CREB3L1: variants seen among roughly 807,000 people sequenced by gnomAD.
CREB3L1 encodes cyclic AMP-responsive element-binding protein 3-like protein 1.
CREB3L1 carries 33 observed loss-of-function variants against 54.5 expected under a neutral mutation model. The observed-to-expected ratio is 0.61, with a 90% CI of 0.46 to 0.81. The LOEUF is 0.81. CREB3L1 is among the 30% of genes least tolerant of loss of function. CREB3L1 has a pLI of 0.00. For synonymous variants in CREB3L1, 284 were observed against 286.4 expected (o/e 0.99, Z 0.08); for missense variants, 656 against 673.3 (o/e 0.97, Z 0.29).
Position 46,295,023 on chromosome 11 carries a change from C to G in CREB3L1, c.103-4912C>G. 1 of 152,428 alleles carries G rather than the reference C, an allele frequency of 6.6e-6. No individual in the cohort carries two copies. The highest frequency in any genetic ancestry group is 2.4e-5 in the African/African-American group (1 of 41,430). 9.4% of individuals were successfully genotyped at this position (152,428 alleles called of 1,614,324 possible). ...AGCCTGGACCCGCTCTGGTCTCCTC[C>G]CTCCTTTCCCCAAGCACAGACTGAA... is the stretch of plus-strand genomic sequence containing the variant. On this transcript the variant is annotated intron_variant, in intron 1 of 11. Transcript: ENST00000621158. The surrounding 1 kb of genome is among the most constrained non-coding windows in gnomAD (Gnocchi z 4.6).
intron 10 of CREB3L1, among the ~76,000 whole-genome samples, chr11:46,317,961 T>C (rs1275147746): frequency 6.6e-6 from 1 of 152,208 alleles, no homozygotes; most frequent in African/African-American, 2.4e-5. Flanking sequence ...CTCATGCCTG[T>C]AATCCCAGCA....
chr11:46,295,734 T>TG lies in CREB3L1; in HGVS notation c.103-4200dup, dbSNP rs886809944. Among the ~76,000 whole-genome samples, 2 of 152,020 alleles carry TG rather than the reference T, an allele frequency of 1.3e-5. No homozygotes were observed. The highest frequency in any genetic ancestry group is 2.9e-5 in the Non-Finnish European group (2 of 68,002). On this transcript the variant is annotated intron_variant, in intron 1 of 11. Transcript: ENST00000621158. The surrounding 1 kb of genome is among the most constrained non-coding windows in gnomAD (Gnocchi z 4.6). Reference sequence around the variant, plus strand: ...GATTCCGGTGAGGGGCGGCCCCGGGTGTTCCCGGGTTAACCCTTTGTGGGC... The same window carrying TG: ...GATTCCGGTGAGGGGCGGCCCCGGGTGGTTCCCGGGTTAACCCTTTGTGGGC...
intron 1 of CREB3L1, among the ~76,000 whole-genome samples, chr11:46,280,454 T>TGC (rs754681117): frequency 1.3e-5 from 2 of 152,158 alleles, no homozygotes; most frequent in Non-Finnish European, 2.9e-5. Flanking sequence ...CCTCCCAAAG[T>TGC]GCTGGGATTA....
At position 46,321,391 on chromosome 11, in the gene CREB3L1, C is replaced by CTA. The variant is rs200333461; in HGVS notation, c.*645_*646insTA. 8 of 158,250 alleles carry CTA rather than the reference C, an allele frequency of 5.1e-5. No homozygotes were observed. The highest frequency in any genetic ancestry group is 2.2e-3 in the Middle Eastern group (1 of 454). The allele number at this position is 158,250 out of a possible 1,614,324, so 9.8% of individuals were successfully genotyped here. A position where few individuals can be genotyped will look rare whatever the true frequency, so the allele number is the denominator to read the frequency against. On this transcript the variant is annotated 3_prime_UTR_variant, in exon 12 of 12. Transcript: ENST00000621158. Reference sequence around the variant, plus strand: ...CAGCACATGCTTTAAGAAAGCAAAACCAAAAAAAAAAAAAAAAAGATGCAG... The same window carrying CTA: ...CAGCACATGCTTTAAGAAAGCAAAACTACAAAAAAAAAAAAAAAAAGATGCAG...
Position 46,320,827 on chromosome 11 carries a change from G to C in CREB3L1, c.*81G>C. 6.9e-7 allele frequency: 1 copy of C among 1,444,870 alleles called. No homozygotes were observed. The highest frequency in any genetic ancestry group is 9.6e-7 in the Non-Finnish European group (1 of 1,045,008). 89.5% of individuals were successfully genotyped at this position (1,444,870 alleles called of 1,614,324 possible). On this transcript the variant is annotated 3_prime_UTR_variant, in exon 12 of 12. Coordinates refer to ENST00000621158, the MANE Select transcript of CREB3L1 (RefSeq NM_052854.4). ...TTGCTCACTAACCCGGATCCGCCTC[G>C]TGCCCCTGCCTCCTGGAGCTTCCCA... is the stretch of plus-strand genomic sequence containing the variant.
chr11:46,317,979 A>T (rs1324475762), intron 10 of CREB3L1, among the ~76,000 whole-genome samples: 1 of 152,178 alleles, frequency 6.6e-6, no homozygotes, highest in African/African-American at 2.4e-5. Context: ...GCACTTTGGG[A>T]GGCCGAGGCG....
chr11:46,287,750 G>A (rs1427481898), intron 1 of CREB3L1, among the ~76,000 whole-genome samples: 1 of 151,994 alleles, frequency 6.6e-6, no homozygotes, highest in African/African-American at 2.4e-5. Context: ...GGCCGAGGCG[G>A]GTGGATCACA....
intron 1 of CREB3L1, among the ~76,000 whole-genome samples, chr11:46,297,146 G>C (rs1256564494): frequency 6.6e-6 from 1 of 152,230 alleles, no homozygotes; most frequent in Non-Finnish European, 1.5e-5. Context: ...CTAAGGGAGA[G>C]AACTGGCGGA....
intron 8 of CREB3L1, chr11:46,315,346 G>C (rs538154483): frequency 4.6e-6 from 1 of 216,370 alleles, no homozygotes; most frequent in African/African-American, 2.3e-5. Flanking sequence ...CAACCCCTAC[G>C]TGCCCGTTTG....
At position 46,312,669 on chromosome 11, in the gene CREB3L1, A is replaced by T. The variant is rs1939509500; in HGVS notation, c.961A>T (p.Lys321Ter). The change falls in exon 7 of 12, where the codon AAG becomes TAG. Residue 321 changes from lysine to a stop codon, truncating the protein, a stop_gained and splice_region_variant. Coordinates refer to ENST00000621158, the MANE Select transcript of CREB3L1 (RefSeq NM_052854.4). LOFTEE classifies it high-confidence loss of function. The stretch of plus-strand genomic sequence containing the variant: ...GGAGTATGTGGAGTGTCTAGAAAAG[A>T]AGTAAGGGGCTTGGGAGGGGTGGGC... ...KKEYVECLEK[K>*]VETFTSENNE... is the part of the protein sequence containing the mutation. The T allele has an allele frequency of 6.2e-7, 1 of 1,608,442 alleles. No homozygotes were observed. The highest frequency in any genetic ancestry group is 8.5e-7 in the Non-Finnish European group (1 of 1,177,338).
chr11:46,318,309 G>T (rs1440453609), intron 10 of CREB3L1, among the ~76,000 whole-genome samples: 1 of 152,188 alleles, frequency 6.6e-6, no homozygotes, highest in African/African-American at 2.4e-5. Context: ...ACAGAAGAAG[G>T]GTAGCGGTGG....
At chr11:46,309,281 C>G (rs758704161) in intron 3 of CREB3L1, among the ~76,000 whole-genome samples, 8 of 152,160 alleles carry the variant, frequency 5.3e-5, no homozygotes, top group African/African-American at 1.2e-4. Flanking sequence ...GGGCTGCAGC[C>G]CAGGGCCTGC....
intron 2 of CREB3L1, among the ~76,000 whole-genome samples, chr11:46,303,938 C>T (rs1282072750): frequency 6.6e-6 from 1 of 151,970 alleles, no homozygotes; most frequent in Non-Finnish European, 1.5e-5. Context: ...CCCCGGAGGT[C>T]GAGGCTGCAG....
At chr11:46,313,546 C>T (rs780948950) in intron 8 of CREB3L1, among the ~76,000 whole-genome samples, 30 of 151,876 alleles carry the variant, frequency 2.0e-4, no homozygotes, top group Non-Finnish European at 3.2e-4. Context: ...ATTAGCTGGG[C>T]GTGGTGGTGG....
intron 10 of CREB3L1, among the ~76,000 whole-genome samples, chr11:46,317,777 C>T (rs1460995030): frequency 6.6e-6 from 1 of 152,188 alleles, no homozygotes; most frequent in Non-Finnish European, 1.5e-5. Flanking sequence ...AGGAATGTTC[C>T]AGCCCTGGGC....
At chr11:46,302,038 G>T (rs2136347002) in intron 2 of CREB3L1, among the ~76,000 whole-genome samples, 1 of 151,554 alleles carries the variant, frequency 6.6e-6, no homozygotes, top group Non-Finnish European at 1.5e-5. Flanking sequence ...CATGGTGGCG[G>T]GTGCCTGTAG....
chr11:46,311,543 C>T (rs1463386858), intron 5 of CREB3L1, among the ~76,000 whole-genome samples: 3 of 148,876 alleles, frequency 2.0e-5, no homozygotes, highest in Admixed American at 6.7e-5. Context: ...CTCGCTCTGT[C>T]GCCTGGAGTG....
At chr11:46,287,837 G>A (rs1259310822) in intron 1 of CREB3L1, among the ~76,000 whole-genome samples, 3 of 151,714 alleles carry the variant, frequency 2.0e-5, no homozygotes, top group East Asian at 4.0e-4. Flanking sequence ...TTAGCCGGGC[G>A]TGTTGGTGTG....
intron 4 of CREB3L1, 132 bp from the exon 5 acceptor site, chr11:46,310,900 T>C (rs1939474665): frequency 7.2e-7 from 1 of 1,381,214 alleles, no homozygotes; most frequent in Non-Finnish European, 9.5e-7. Flanking sequence ...ATGTCATAGC[T>C]GAGACCAAGC....
Sources: gnomAD v4.1 joint callset for allele counts (sites outside exome capture counted in the v4.1 genomes callset) on GRCh38, gnomAD v4.1.1 for gene constraint, Gnocchi (gnomAD v3.1) non-coding constraint, MANE v1.5 for transcripts, NCBI Gene and HGNC (gene_info 2026-07-23, HGNC 2026-07-21) for gene names.